The following DPF3 variants were observed in gnomAD, a reference collection of about 807,000 sequenced individuals.
DPF3 encodes double PHD fingers 3.
A neutral mutation model predicts 56.8 loss-of-function variants in DPF3; 18 were observed. The ratio of observed to expected loss-of-function variants is 0.32; its 90% CI spans 0.22 to 0.47. The LOEUF (loss-of-function observed/expected upper bound fraction) is 0.47. DPF3 is among the 20% of genes least tolerant of loss of function. The pLI is 1.00. For missense variants in DPF3, 403 were observed against 488.8 expected (o/e 0.82, Z 1.65); for synonymous variants, 188 against 180.2 (o/e 1.04, Z -0.35).
intron 1 of DPF3, chr14:72,853,144 CAGAG>C (rs1469709815): frequency 6.6e-6 from 1 of 151,170 alleles, no homozygotes; most frequent in African/African-American, 2.4e-5. Context: ...AATGGACAGA[CAGAG>C]AGAAAACCTC....
intron 6 of DPF3, among the ~76,000 whole-genome samples, chr14:72,693,772 C>T (rs547788371): frequency 8.5e-4 from 130 of 152,334 alleles, no homozygotes; most frequent in Non-Finnish European, 1.5e-3. Context: ...ACCCATGTCT[C>T]CTGGGTTCCT....
chr14:72,636,922 G>A (rs937092684), intron 8 of DPF3, among the ~76,000 whole-genome samples: 3 of 152,174 alleles, frequency 2.0e-5, no homozygotes, highest in Non-Finnish European at 2.9e-5. Flanking sequence ...AAATGATAGC[G>A]TGAGCTGTGT....
rs777564213 is a variant in DPF3 at position 72,774,262 on chromosome 14, TAAAAAAAAAAAAAAA to T, written c.33-2384_33-2370del. On this transcript the variant is annotated intron_variant, in intron 1 of 10. Coordinates refer to ENST00000556509, the MANE Select transcript of DPF3 (RefSeq NM_001280542.3). Reference sequence around the variant, plus strand: ...CTGGGCGACAGGGTGAGACTCTGTCTAAAAAAAAAAAAAAAAAAAAAAAAAAACCTGCTTTCAGTT... The same window carrying T: ...CTGGGCGACAGGGTGAGACTCTGTCTAAAAAAAAAAAACCTGCTTTCAGTT... Among the ~76,000 whole-genome samples, 126 of 61,016 alleles carry T rather than the reference TAAAAAAAAAAAAAAA, an allele frequency of 2.1e-3. 1 individual carries two copies. The highest frequency in any genetic ancestry group is 7.9e-3 in the African/African-American group (122 of 15,484). The allele number at this position is 61,016 out of a possible 152,430, so 40.0% of individuals were successfully genotyped here. A position where few individuals can be genotyped will look rare whatever the true frequency, so the allele number is the denominator to read the frequency against.
intron 8 of DPF3, among the ~76,000 whole-genome samples, chr14:72,656,763 T>A (rs866397881): frequency 6.6e-6 from 1 of 152,166 alleles, no homozygotes; most frequent in East Asian, 1.9e-4. Flanking sequence ...AACTTGGAGG[T>A]AACTGGGGTA....
intron 3 of DPF3, among the ~76,000 whole-genome samples, chr14:72,752,668 C>CAT (rs966276517): frequency 2.0e-5 from 3 of 152,078 alleles, no homozygotes; most frequent in Admixed American, 6.5e-5. Context: ...GTCTCAAAAA[C>CAT]ATATATATAT....
chr14:72,620,129 C>G, intron 9 of DPF3, 145 bp from the exon 10 acceptor site: 1 of 702,706 alleles, frequency 1.4e-6, no homozygotes, highest in East Asian at 2.9e-5. Context: ...CTCACTGTCC[C>G]CTGAACACGC....
chr14:72,742,179 C>T lies in DPF3; in HGVS notation c.302-10245G>A, dbSNP rs181564089. 2.9e-3 allele frequency among the ~76,000 whole-genome samples: 445 copies of T among 152,322 alleles called. 2 individuals are homozygous for T. Among genetic ancestry groups the T allele is most frequent in the African/African-American group, 0.01 (418 of 41,574 alleles). ...TTCTCATGAGGCCAACCAGAGCTGA[C>T]GAAGCTGCCGGTGCAGGCCTCCAGA... is the stretch of plus-strand genomic sequence containing the variant. On this transcript the variant is annotated intron_variant, in intron 3 of 10. Coordinates refer to ENST00000556509, the MANE Select transcript of DPF3 (RefSeq NM_001280542.3).
At chr14:72,890,543 G>A (rs1399607288) in intron 1 of DPF3, among the ~76,000 whole-genome samples, 1 of 107,376 alleles carries the variant, frequency 9.3e-6, no homozygotes, top group Non-Finnish European at 1.9e-5. Flanking sequence ...TCCCAGGTAT[G>A]CACAAATCAA....
chr14:72,670,540 G>A (rs935239133), intron 8 of DPF3: 2 of 949,430 alleles, frequency 2.1e-6, no homozygotes, highest in Non-Finnish European at 2.4e-6. Context: ...ACTCCGTGGG[G>A]CACAGAATAG....
intron 8 of DPF3, among the ~76,000 whole-genome samples, chr14:72,647,575 C>T (rs1304237976): frequency 6.6e-6 from 1 of 152,186 alleles, no homozygotes; most frequent in Non-Finnish European, 1.5e-5. Flanking sequence ...CACAAATGCC[C>T]ATTCCAGTAT....
In DPF3 at chr14:72,723,685, T is replaced by C; in HGVS notation, c.473A>G (p.Glu158Gly). ...GGGAATATCCTCTTCCAAATCCTCT[T>C]CTTCATTCCCTTCTTCTACATTTTC... ...NDENVEEGNE[E>G]EDLEEDIPKR... The change falls in exon 5 of 11, where the codon GAA becomes GGA. Residue 158 changes from glutamate to glycine, a missense_variant. Physicochemically the swap from Glu to Gly is moderately conservative, Grantham distance 98 (BLOSUM62 -2). Transcript: ENST00000556509. 6.3e-7 allele frequency: 1 copy of C among 1,589,474 alleles called. No individual in the cohort carries two copies. Among genetic ancestry groups the C allele is most frequent in the Non-Finnish European group, 8.5e-7 (1 of 1,172,218 alleles).
intron 3 of DPF3, among the ~76,000 whole-genome samples, chr14:72,745,072 A>G (rs1455794552): frequency 7.0e-6 from 1 of 143,220 alleles, no homozygotes; most frequent in Non-Finnish European, 1.5e-5. Flanking sequence ...GATGAGGAAA[A>G]GACAGGCATC....
At chr14:72,672,576 C>G (rs1027163423) in intron 8 of DPF3, among the ~76,000 whole-genome samples, 1 of 152,134 alleles carries the variant, frequency 6.6e-6, no homozygotes, top group African/African-American at 2.4e-5. Context: ...AATACCTAGG[C>G]TGGTAGAAAA....
chr14:72,856,942 G>A (rs186571542), intron 1 of DPF3, among the ~76,000 whole-genome samples: 63 of 152,290 alleles, frequency 4.1e-4, no homozygotes, highest in African/African-American at 1.5e-3. Context: ...AGCCATCCTG[G>A]GGCAGACACC....
intron 8 of DPF3, among the ~76,000 whole-genome samples, chr14:72,672,988 A>T (rs1886759388): frequency 6.6e-6 from 1 of 152,210 alleles, no homozygotes; most frequent in Non-Finnish European, 1.5e-5. Flanking sequence ...TCCATAGAAT[A>T]AAAAATTCAA....
chr14:72,639,008 G>T, intron 8 of DPF3, among the ~76,000 whole-genome samples: 1 of 151,970 alleles, frequency 6.6e-6, no homozygotes, highest in East Asian at 1.9e-4. Flanking sequence ...TAGTAGAGAC[G>T]GGGTTTCACC....
intron 1 of DPF3, among the ~76,000 whole-genome samples, chr14:72,859,091 A>AT (rs1885283567): frequency 6.6e-6 from 1 of 152,160 alleles, no homozygotes; most frequent in Non-Finnish European, 1.5e-5. Flanking sequence ...AAGAATCTTT[A>AT]TTTTTTGCAG....
At chr14:72,860,015 CAT>C in intron 1 of DPF3, among the ~76,000 whole-genome samples, 1 of 150,302 alleles carries the variant, frequency 6.7e-6, no homozygotes, top group Admixed American at 6.6e-5. Flanking sequence ...TGTAAGTAAA[CAT>C]AAGTAAACAG....
intron 7 of DPF3, among the ~76,000 whole-genome samples, chr14:72,686,894 C>T (rs915881910): frequency 6.6e-6 from 1 of 152,184 alleles, no homozygotes; most frequent in Non-Finnish European, 1.5e-5. Context: ...AAGCTTGTTT[C>T]AAAGGTAATT....
Sources: allele counts gnomAD v4.1 joint callset (sites outside exome capture counted in the v4.1 genomes callset), GRCh38; gene constraint gnomAD v4.1.1; transcripts MANE v1.5; gene names NCBI Gene and HGNC (gene_info 2026-07-23, HGNC 2026-07-21).